The following GTF2B variants were observed in gnomAD, a reference collection of about 807,000 sequenced individuals.
GTF2B encodes the protein transcription initiation factor IIB.
GTF2B carries 20 observed loss-of-function variants against 34.6 expected under a neutral mutation model. That is an observed-to-expected ratio of 0.58 (90% CI 0.41 to 0.84). The LOEUF (loss-of-function observed/expected upper bound fraction) is 0.84. GTF2B is among the 40% of genes least tolerant of loss of function. GTF2B has a pLI of 0.00. For synonymous variants in GTF2B, 142 were observed against 132.4 expected (o/e 1.07, Z -0.50); for missense variants, 237 against 393.3 (o/e 0.60, Z 3.36).
intron 3 of GTF2B, among the ~76,000 whole-genome samples, chr1:88,860,513 C>A (rs1028779895): frequency 2.6e-5 from 4 of 151,654 alleles, no homozygotes; most frequent in Non-Finnish European, 5.9e-5. Context: ...AAACACCTGA[C>A]AAAACAATGG....
chr1:88,890,874 G>A (rs527356136), intron 1 of GTF2B, among the ~76,000 whole-genome samples: 1 of 151,998 alleles, frequency 6.6e-6, no homozygotes, highest in Non-Finnish European at 1.5e-5. Flanking sequence ...GAAGTACACA[G>A]GCAACGATAT....
At position 88,887,387 on chromosome 1, in the gene GTF2B, T is replaced by C. The variant is rs1194340031; in HGVS notation, c.18-20A>G. ...TCCAAACTAAAAGAAAAAAGTTGTA[T>C]TTTTACATCTTCCCAACCAACATGT... On this transcript the variant is annotated intron_variant, in intron 1 of 6. Coordinates refer to ENST00000370500, the MANE Select transcript of GTF2B (RefSeq NM_001514.6). 7.2e-7 allele frequency: 1 copy of C among 1,379,484 alleles called. No homozygotes were observed. The highest frequency in any genetic ancestry group is 1.4e-5 in the African/African-American group (1 of 70,470). 85.5% of individuals were successfully genotyped at this position (1,379,484 alleles called of 1,614,324 possible). A position where few individuals can be genotyped will look rare whatever the true frequency, so the allele number is the denominator to read the frequency against.
At chr1:88,887,558 G>A (rs994539700) in intron 1 of GTF2B, 191 bp from the exon 2 acceptor site, 2 of 506,618 alleles carry the variant, frequency 3.9e-6, no homozygotes, top group African/African-American at 3.9e-5. Flanking sequence ...TAACTGGCAA[G>A]TAGTTTCCAC....
At chr1:88,883,117 G>A (rs529234631) in intron 2 of GTF2B, among the ~76,000 whole-genome samples, 1 of 152,288 alleles carries the variant, frequency 6.6e-6, no homozygotes, top group South Asian at 2.1e-4. Flanking sequence ...ATGTTAACTT[G>A]TGAAATTGAC....
chr1:88,865,283 C>CTTTAAATTA (rs1673523299), intron 2 of GTF2B, among the ~76,000 whole-genome samples: 1 of 152,070 alleles, frequency 6.6e-6, no homozygotes, highest in Non-Finnish European at 1.5e-5. Flanking sequence ...ATTATAATAC[C>CTTTAAATTA]CATGTACAGT....
At chr1:88,884,760 C>T (rs1674024664) in intron 2 of GTF2B, among the ~76,000 whole-genome samples, 1 of 152,218 alleles carries the variant, frequency 6.6e-6, no homozygotes, top group East Asian at 1.9e-4. Context: ...AATGTCCACG[C>T]TTACTGTATT....
At chr1:88,858,357 A>G (rs1053369750) in intron 5 of GTF2B, among the ~76,000 whole-genome samples, 1 of 152,202 alleles carries the variant, frequency 6.6e-6, no homozygotes, top group African/African-American at 2.4e-5. Context: ...TCATACAACT[A>G]AATTTCTTTA....
At chr1:88,866,028 TAAAC>T (rs946117346) in intron 2 of GTF2B, among the ~76,000 whole-genome samples, 46 of 152,080 alleles carry the variant, frequency 3.0e-4, no homozygotes, top group Middle Eastern at 6.8e-3. Context: ...TAAATGCTCA[TAAAC>T]AACCAGAGTA....
chr1:88,856,600 T>C (rs1342794156), intron 6 of GTF2B, among the ~76,000 whole-genome samples: 4 of 152,014 alleles, frequency 2.6e-5, no homozygotes, highest in Non-Finnish European at 5.9e-5. Flanking sequence ...GAAAAGAGTA[T>C]TCAAAATGAT....
chr1:88,862,362 C>T (rs1233580125), intron 3 of GTF2B, among the ~76,000 whole-genome samples: 3 of 152,002 alleles, frequency 2.0e-5, no homozygotes, highest in South Asian at 2.1e-4. Flanking sequence ...GGCAACATGG[C>T]GAAACTTTGT....
intron 2 of GTF2B, among the ~76,000 whole-genome samples, chr1:88,880,817 C>T (rs564116649): frequency 1.6e-3 from 249 of 151,866 alleles, no homozygotes; most frequent in Middle Eastern, 3.4e-3. Flanking sequence ...GAGACCAGCC[C>T]GGCCAACATG....
chr1:88,875,127 T>C (rs1673790615), intron 2 of GTF2B, among the ~76,000 whole-genome samples: 1 of 152,194 alleles, frequency 6.6e-6, no homozygotes. Context: ...TACTGAAATT[T>C]TGCATTAGAC....
rs368877819 is a variant in GTF2B at position 88,891,546 on chromosome 1, G to C, written c.-47C>G. 23 of 1,566,430 alleles carry C rather than the reference G, an allele frequency of 1.5e-5. No homozygotes were observed. The highest frequency in any genetic ancestry group is 1.9e-5 in the Non-Finnish European group (22 of 1,146,650). ...CGCAACAAGACACAACAGACACACC[G>C]AAAGCAGGAAGCGAATGTGGCGAAG... On this transcript the variant is annotated 5_prime_UTR_variant, in exon 1 of 7. Coordinates refer to ENST00000370500, the MANE Select transcript of GTF2B (RefSeq NM_001514.6).
chr1:88,863,607 G>A (rs1271848183), intron 3 of GTF2B, among the ~76,000 whole-genome samples: 1 of 152,000 alleles, frequency 6.6e-6, no homozygotes, highest in Non-Finnish European at 1.5e-5. Context: ...CGCCTGCCTT[G>A]GCCTCCCAAA....
chr1:88,857,270 G>A lies in GTF2B; in HGVS notation c.753C>T (p.Ile251=), dbSNP rs902769830. ...TGTAAATAGCTGCCGCTGCCACAGA[G>A]ATGGGGCTCCTCCCAGGAACCAAGT... ...ELDLVPGRSP[I]SVAAAAIYMA... is the part of the protein sequence containing the mutation. Residue 251 remains isoleucine (I), a synonymous_variant, in exon 6 of 7, where the codon ATC becomes ATT. Coordinates refer to ENST00000370500, the MANE Select transcript of GTF2B (RefSeq NM_001514.6). 5 of 1,613,826 alleles carry A rather than the reference G, an allele frequency of 3.1e-6. No individual in the cohort carries two copies. The highest frequency in any genetic ancestry group is 1.7e-5 in the Admixed American group (1 of 60,004).
At chr1:88,866,460 G>A (rs959764469) in intron 2 of GTF2B, among the ~76,000 whole-genome samples, 9 of 151,932 alleles carry the variant, frequency 5.9e-5, no homozygotes, top group Admixed American at 2.0e-4. Context: ...CCAGGTTTGA[G>A]TACAGTGGTG....
intron 3 of GTF2B, among the ~76,000 whole-genome samples, chr1:88,861,261 A>G (rs1673434734): frequency 6.6e-6 from 1 of 152,254 alleles, no homozygotes; most frequent in African/African-American, 2.4e-5. Context: ...TACCTAAGGA[A>G]ATGGAAAGGC....
chr1:88,891,366 C>T, intron 1 of GTF2B, 117 bp downstream of exon 1: 1 of 706,174 alleles, frequency 1.4e-6, no homozygotes, highest in Non-Finnish European at 2.4e-6. Context: ...CCAGTCCCGC[C>T]GCTTCTCTCC....
intron 2 of GTF2B, among the ~76,000 whole-genome samples, chr1:88,870,530 C>T (rs1046751201): frequency 1.3e-4 from 20 of 151,996 alleles, no homozygotes; most frequent in African/African-American, 4.8e-4. Flanking sequence ...TAAGACTAGA[C>T]CTAGATTTTT....
Sources: allele counts gnomAD v4.1 joint callset (sites outside exome capture counted in the v4.1 genomes callset), GRCh38; gene constraint gnomAD v4.1.1; transcripts MANE v1.5; gene names NCBI Gene and HGNC (gene_info 2026-07-23, HGNC 2026-07-21).